The following LAMA3 variants were observed in gnomAD, a reference collection of about 807,000 sequenced individuals.
LAMA3 encodes the protein laminin subunit alpha-3.
A neutral mutation model predicts 402.0 loss-of-function variants in LAMA3; 281 were observed. The observed-to-expected ratio is 0.70, with a 90% CI of 0.63 to 0.77. The LOEUF (loss-of-function observed/expected upper bound fraction) is 0.77, where lower values mean the gene tolerates loss of function less well. LAMA3 is among the 30% of genes least tolerant of loss of function. LAMA3 has a pLI of 0.00. For missense variants in LAMA3, 3,840 were observed against 4,215.5 expected (o/e 0.91, Z 2.47); for synonymous variants, 1,431 against 1,558.4 (o/e 0.92, Z 1.93).
rs2063530070 is a variant in LAMA3 at position 23,833,812 on chromosome 18, T to C, written c.2824-16T>C. The C allele has an allele frequency of 6.2e-7, 1 of 1,612,398 alleles. No homozygotes were observed. The highest frequency in any genetic ancestry group is 1.3e-5 in the African/African-American group (1 of 74,886). On this transcript the variant is annotated splice_polypyrimidine_tract_variant and intron_variant, in intron 23 of 74. Coordinates refer to ENST00000313654, the MANE Select transcript of LAMA3 (RefSeq NM_198129.4). ...CACAGCTGGATCACAGTCTGTCTGC[T>C]TGGCCTCTGTGACAGGTGGAATTGC...
intron 9 of LAMA3, among the ~76,000 whole-genome samples, chr18:23,775,222 C>T (rs547266620): frequency 8.1e-4 from 123 of 152,342 alleles, no homozygotes; most frequent in African/African-American, 2.9e-3. Flanking sequence ...ATGCCTTACT[C>T]CAGTGCAAGC....
chr18:23,825,194 T>C (rs188506408), intron 21 of LAMA3, among the ~76,000 whole-genome samples: 63 of 152,322 alleles, frequency 4.1e-4, no homozygotes, highest in Non-Finnish European at 8.2e-4. Context: ...GAGAACTCTT[T>C]GTTCAGGAAA....
chr18:23,810,566 C>A, intron 13 of LAMA3, 63 bp downstream of exon 13: 1 of 1,588,564 alleles, frequency 6.3e-7, no homozygotes, highest in African/African-American at 1.3e-5. Flanking sequence ...AGCCAGCCTC[C>A]CAGAGAAGCC....
chr18:23,775,682 C>A, intron 9 of LAMA3, 110 bp from the exon 10 acceptor site: 1 of 1,246,428 alleles, frequency 8.0e-7, no homozygotes, highest in Non-Finnish European at 1.2e-6. Context: ...TTCAAGAATA[C>A]CTATAGACCA....
chr18:23,774,626 C>T (rs2062274491), intron 9 of LAMA3, among the ~76,000 whole-genome samples: 2 of 152,208 alleles, frequency 1.3e-5, no homozygotes, highest in Admixed American at 1.3e-4. Context: ...CCTACATGTG[C>T]AACCTATACC....
rs1003486059 is a variant in LAMA3, at chr18:23,949,696, T to C, written c.9352-69T>C. ...TTTTGCTGACAAGCTGCAGTGCCCT[T>C]CGCCTTGGCTACCCATGCCTTTCTT... On this transcript the variant is annotated intron_variant, in intron 70 of 74. Coordinates refer to ENST00000313654, the MANE Select transcript of LAMA3 (RefSeq NM_198129.4). 5.3e-6 allele frequency: 8 copies of C among 1,503,720 alleles called. No individual in the cohort carries two copies. In the Admixed American group the frequency reaches 1.3e-4, roughly 25 times the overall value. The allele number at this position is 1,503,720 out of a possible 1,614,324, so 93.1% of individuals were successfully genotyped here.
chr18:23,795,232 G>C (rs1395725101), intron 12 of LAMA3, among the ~76,000 whole-genome samples: 1 of 152,206 alleles, frequency 6.6e-6, no homozygotes, highest in Non-Finnish European at 1.5e-5. Context: ...TTAGAAGACA[G>C]GGAAAAGATT....
Position 23,839,481 on chromosome 18 carries a change from T to C in LAMA3, c.3192-304T>C, listed in dbSNP as rs1011304400. 1.3e-5 allele frequency among the ~76,000 whole-genome samples: 2 copies of C among 152,260 alleles called. No individual in the cohort carries two copies. The highest frequency in any genetic ancestry group is 2.9e-5 in the Non-Finnish European group (2 of 68,040). On this transcript the variant is annotated intron_variant, in intron 26 of 74. Transcript: ENST00000313654. The surrounding 1 kb of genome is among the most constrained non-coding windows in gnomAD (Gnocchi z 4.5). ...AGAGGTGAATAATGTTTTATTGTAT[T>C]GATCTCATTTTAACAATTAATTTTA...
chr18:23,697,801 AACAAAGTACC>A (rs2060711538), intron 1 of LAMA3, among the ~76,000 whole-genome samples: 1 of 150,246 alleles, frequency 6.7e-6, no homozygotes, highest in Admixed American at 6.7e-5. Context: ...GGACTGCCAT[AACAAAGTACC>A]ACAGCGAGGG....
intron 32 of LAMA3, among the ~76,000 whole-genome samples, chr18:23,853,379 C>A (rs1299717546): frequency 6.6e-6 from 1 of 152,084 alleles, no homozygotes; most frequent in East Asian, 1.9e-4. Flanking sequence ...GTTCAAGCGA[C>A]TCTCCTGCCT....
At chr18:23,891,455 C>T (rs969915691) in intron 42 of LAMA3, among the ~76,000 whole-genome samples, 1 of 152,312 alleles carries the variant, frequency 6.6e-6, no homozygotes, top group African/African-American at 2.4e-5. Flanking sequence ...TTTTTTCCGG[C>T]ATCTGCTGGT....
At chr18:23,801,510 G>A (rs2144192523) in intron 12 of LAMA3, among the ~76,000 whole-genome samples, 1 of 152,234 alleles carries the variant, frequency 6.6e-6, no homozygotes, top group South Asian at 2.1e-4. Flanking sequence ...CTCCATGGGG[G>A]CACAGGTGTC....
In LAMA3 at chr18:23,775,931, C is replaced by T. The variant is rs757034199; in HGVS notation, c.1405+8C>T. ...ATTTCCCATTTTGCTTGAGTAAGTA[C>T]CCACTGCAGAACAAGAGGCCACCCT... On this transcript the variant is annotated splice_region_variant and intron_variant, in intron 10 of 74. Coordinates refer to ENST00000313654, the MANE Select transcript of LAMA3 (RefSeq NM_198129.4). 1.2e-6 allele frequency: 2 copies of T among 1,614,072 alleles called. No individual in the cohort carries two copies. Among genetic ancestry groups the T allele is most frequent in the Admixed American group, 3.3e-5 (2 of 60,020 alleles).
At chr18:23,799,144 C>G (rs887157973) in intron 12 of LAMA3, among the ~76,000 whole-genome samples, 1 of 152,228 alleles carries the variant, frequency 6.6e-6, no homozygotes, top group African/African-American at 2.4e-5. Context: ...AGACAAGCCC[C>G]TGTCCTCTAG....
chr18:23,871,303 T>C, intron 37 of LAMA3, 128 bp from the exon 38 acceptor site: 2 of 765,066 alleles, frequency 2.6e-6, no homozygotes, highest in Non-Finnish European at 4.6e-6. Flanking sequence ...TATTTCCCCG[T>C]CTTATTTCAT....
chr18:23,907,694 C>T (rs1267583992), intron 53 of LAMA3, 28 bp downstream of exon 53: 7 of 1,610,614 alleles, frequency 4.3e-6, no homozygotes, highest in African/African-American at 1.3e-5. Context: ...CCATTGTACT[C>T]GGTTGGCTTC....
At chr18:23,878,393 G>A (rs998042714) in intron 39 of LAMA3, among the ~76,000 whole-genome samples, 1 of 152,186 alleles carries the variant, frequency 6.6e-6, no homozygotes, top group Non-Finnish European at 1.5e-5. Context: ...TTGCTAGTGT[G>A]GCAGGTACTG....
Position 23,954,690 on chromosome 18 carries a change from A to C in LAMA3, c.*42A>C, listed in dbSNP as rs371176897. 8.7e-6 allele frequency: 14 copies of C among 1,604,924 alleles called. No homozygotes were observed. The Admixed American group carries it at 1.8e-4, about 21-fold the overall frequency. On this transcript the variant is annotated 3_prime_UTR_variant, in exon 75 of 75. Coordinates refer to ENST00000313654, the MANE Select transcript of LAMA3 (RefSeq NM_198129.4). ...AGCAAGGAAATTCACCTTCAAAAGC[A>C]CTGATTACCCAATGCACCTCCCTCC...
At position 23,702,832 on chromosome 18, in the gene LAMA3, G is replaced by C. The variant is rs562672627; in HGVS notation, c.295-11088G>C. Among the ~76,000 whole-genome samples the C allele has an allele frequency of 3.3e-5, 5 of 152,166 alleles. No homozygotes were observed. In the South Asian group the frequency reaches 1.0e-3, roughly 32 times the overall value. ...CTTCCCTTCTCCAGCATCCCCTCTT[G>C]GGCTAATTCTCAGGTTCTATCTTGG... On this transcript the variant is annotated intron_variant, in intron 1 of 74. Coordinates refer to ENST00000313654, the MANE Select transcript of LAMA3 (RefSeq NM_198129.4).
Sources: allele counts gnomAD v4.1 joint callset (sites outside exome capture counted in the v4.1 genomes callset), GRCh38; gene constraint gnomAD v4.1.1; non-coding constraint Gnocchi (gnomAD v3.1); transcripts MANE v1.5; gene names NCBI Gene and HGNC (gene_info 2026-07-23, HGNC 2026-07-21).